Variants in SHROOM3 observed in about 807,000 individuals in gnomAD.
SHROOM3 encodes protein Shroom3.
SHROOM3 carries 47 observed loss-of-function variants against 138.6 expected under a neutral mutation model. The observed-to-expected ratio is 0.34, with a 90% CI of 0.27 to 0.43. The LOEUF (loss-of-function observed/expected upper bound fraction) is 0.43. Ranked by LOEUF, SHROOM3 falls within the 20% of genes least tolerant of loss-of-function variation. The pLI is 1.00. For synonymous variants in SHROOM3, 1,062 were observed against 1,063.3 expected (o/e 1.00, Z 0.02); for missense variants, 2,491 against 2,596.5 (o/e 0.96, Z 0.88).
intron 1 of SHROOM3, among the ~76,000 whole-genome samples, chr4:76,496,600 C>T (rs1731972987): frequency 6.6e-6 from 1 of 152,136 alleles, no homozygotes; most frequent in Admixed American, 6.5e-5. Flanking sequence ...GATCTCATTC[C>T]ATCATCCTCC....
chr4:76,542,756 T>C (rs762259469), intron 1 of SHROOM3, among the ~76,000 whole-genome samples: 1 of 152,144 alleles, frequency 6.6e-6, no homozygotes, highest in Non-Finnish European at 1.5e-5. Context: ...AATACTAAAT[T>C]TGTGTTGCTT....
chr4:76,736,817 G>T (rs923919832), intron 4 of SHROOM3, among the ~76,000 whole-genome samples: 1 of 152,110 alleles, frequency 6.6e-6, no homozygotes, highest in African/African-American at 2.4e-5. Flanking sequence ...AAAGTCCAGA[G>T]ATTTCCCATA....
intron 3 of SHROOM3, among the ~76,000 whole-genome samples, chr4:76,722,995 T>C (rs541487692): frequency 8.9e-4 from 136 of 152,226 alleles, no homozygotes; most frequent in African/African-American, 3.2e-3. Context: ...GTCCAGTTGA[T>C]AACTGGCAGA....
chr4:76,643,639 T>A (rs1735739564), intron 2 of SHROOM3, among the ~76,000 whole-genome samples: 1 of 152,214 alleles, frequency 6.6e-6, no homozygotes, highest in African/African-American at 2.4e-5. Context: ...GTTATCAGTA[T>A]ATAGTAAAAT....
rs370417136 is a variant in SHROOM3 at position 76,435,267 on chromosome 4, C to T, written c.-786C>T. On this transcript the variant is annotated 5_prime_UTR_variant, in exon 1 of 11. Transcript: ENST00000296043. ...AGAGGAGGCAAGTGGCTGTGGCGGCCGCAGCAGTGGCTGATCATCACTGAA... is the reference window on the plus strand; with the variant it reads ...AGAGGAGGCAAGTGGCTGTGGCGGCTGCAGCAGTGGCTGATCATCACTGAA... 5.9e-4 allele frequency: 87 copies of T among 147,974 alleles called. No individual in the cohort carries two copies. The highest frequency in any genetic ancestry group is 2.1e-3 in the African/African-American group (85 of 41,056). The allele number at this position is 147,974 out of a possible 1,614,324, so 9.2% of individuals were successfully genotyped here. A position where few individuals can be genotyped will look rare whatever the true frequency, so the allele number is the denominator to read the frequency against.
At chr4:76,715,670 T>G (rs1720352294) in intron 3 of SHROOM3, among the ~76,000 whole-genome samples, 1 of 152,224 alleles carries the variant, frequency 6.6e-6, no homozygotes, top group Admixed American at 6.5e-5. Flanking sequence ...ATCACCATGC[T>G]TCATAAAGTA....
At position 76,780,440 on chromosome 4, in the gene SHROOM3, GT is replaced by G. The variant is rs1338521326; in HGVS notation, c.*1266del. ...GCTAGAGGTAGATTTGTTTTTTCAC[GT>G]TTGATCTGTGGCTGGTGGCCACCTT... On this transcript the variant is annotated 3_prime_UTR_variant, in exon 11 of 11. Coordinates refer to ENST00000296043, the MANE Select transcript of SHROOM3 (RefSeq NM_020859.4). The G allele has an allele frequency of 6.6e-6, 1 of 151,604 alleles. No homozygotes were observed. Among genetic ancestry groups the G allele is most frequent in the Non-Finnish European group, 1.5e-5 (1 of 67,972 alleles). 9.4% of individuals were successfully genotyped at this position (151,604 alleles called of 1,614,324 possible).
chr4:76,437,737 T>C (rs1392910781), intron 1 of SHROOM3, among the ~76,000 whole-genome samples: 3 of 152,202 alleles, frequency 2.0e-5, no homozygotes, highest in Admixed American at 6.5e-5. Context: ...ACTGTTTGAA[T>C]GATTTGAGGT....
chr4:76,589,672 C>T (rs2110048128), intron 2 of SHROOM3, among the ~76,000 whole-genome samples: 1 of 152,280 alleles, frequency 6.6e-6, no homozygotes, highest in South Asian at 2.1e-4. Context: ...TACCAGTAGA[C>T]TCTGCCCACT....
intron 1 of SHROOM3, among the ~76,000 whole-genome samples, chr4:76,543,391 G>T (rs925768429): frequency 6.6e-6 from 1 of 152,168 alleles, no homozygotes; most frequent in East Asian, 1.9e-4. Context: ...AGGTATACGA[G>T]CGTGTGGCTT....
At chr4:76,629,875 G>A (rs1735264010) in intron 2 of SHROOM3, among the ~76,000 whole-genome samples, 1 of 152,212 alleles carries the variant, frequency 6.6e-6, no homozygotes, top group Admixed American at 6.5e-5. Flanking sequence ...GCAGATTGGT[G>A]TATGAATCTG....
At chr4:76,558,654 A>G (rs1056361505) in intron 2 of SHROOM3, among the ~76,000 whole-genome samples, 1 of 152,218 alleles carries the variant, frequency 6.6e-6, no homozygotes, top group Admixed American at 6.5e-5. Flanking sequence ...ACTGAAGGAT[A>G]TAAACCAGAA....
intron 9 of SHROOM3, among the ~76,000 whole-genome samples, chr4:76,768,784 G>A (rs1482453867): frequency 6.6e-6 from 1 of 152,192 alleles, no homozygotes; most frequent in African/African-American, 2.4e-5. Flanking sequence ...AAAGTGCTGG[G>A]ATTACAGGCA....
intron 2 of SHROOM3, among the ~76,000 whole-genome samples, chr4:76,631,741 T>C (rs770335735): frequency 3.9e-5 from 6 of 152,242 alleles, no homozygotes; most frequent in Non-Finnish European, 7.3e-5. Flanking sequence ...TACTGGAGCA[T>C]TTTAAGCAAA....
At chr4:76,748,400 ATACTATCAAAAACTGACAACCCT>A (rs530532983) in intron 5 of SHROOM3, among the ~76,000 whole-genome samples, 30 of 152,264 alleles carry the variant, frequency 2.0e-4, no homozygotes, top group African/African-American at 7.0e-4. Flanking sequence ...ACCAAACTGT[ATACTATCAAAAACTGACAACCCT>A]TTCAGGACTC....
intron 2 of SHROOM3, among the ~76,000 whole-genome samples, chr4:76,613,950 A>C (rs1206608729): frequency 6.6e-6 from 1 of 152,268 alleles, no homozygotes; most frequent in Non-Finnish European, 1.5e-5. Context: ...TGTAAACCTA[A>C]ATGGCTACAG....
At chr4:76,607,241 TAGG>T (rs1734641490) in intron 2 of SHROOM3, among the ~76,000 whole-genome samples, 1 of 152,192 alleles carries the variant, frequency 6.6e-6, no homozygotes, top group South Asian at 2.1e-4. Flanking sequence ...CTTCTGGGTC[TAGG>T]AGATGAACAG....
chr4:76,649,408 A>G (rs1409284929), intron 2 of SHROOM3, among the ~76,000 whole-genome samples: 1 of 152,242 alleles, frequency 6.6e-6, no homozygotes, highest in Non-Finnish European at 1.5e-5. Context: ...TTCTCTCATC[A>G]AATACCAGAA....
chr4:76,709,448 A>C (rs1266860700), intron 2 of SHROOM3, among the ~76,000 whole-genome samples: 1 of 152,162 alleles, frequency 6.6e-6, no homozygotes, highest in Non-Finnish European at 1.5e-5. Flanking sequence ...TGTCCTAAGG[A>C]GAAGAAATGT....
Sources: allele counts gnomAD v4.1 joint callset (sites outside exome capture counted in the v4.1 genomes callset), GRCh38; gene constraint gnomAD v4.1.1; transcripts MANE v1.5; gene names NCBI Gene and HGNC (gene_info 2026-07-23, HGNC 2026-07-21).